Variants in CTNNA3 observed in about 807,000 individuals in gnomAD.
CTNNA3 encodes the protein catenin alpha-3.
Under a neutral mutation model 95.7 loss-of-function variants are expected in CTNNA3, and 76 were observed. The ratio of observed to expected loss-of-function variants is 0.79; its 90% CI spans 0.66 to 0.96. CTNNA3 has a LOEUF of 0.96. Among genes scored for constraint, CTNNA3 ranks in the 40% least tolerant of loss-of-function variants. CTNNA3 has a pLI of 0.00. For synonymous variants in CTNNA3, 431 were observed against 374.4 expected (o/e 1.15, Z -1.74); for missense variants, 1,191 against 1,089.8 (o/e 1.09, Z -1.31).
At chr10:67,514,056 A>AGTAGT (rs1417538753) in intron 5 of CTNNA3, among the ~76,000 whole-genome samples, 1 of 152,204 alleles carries the variant, frequency 6.6e-6, no homozygotes, top group East Asian at 1.9e-4. Flanking sequence ...CATGCCTCTA[A>AGTAGT]TCCTTGCACT....
At chr10:66,622,671 A>T (rs921653303) in intron 9 of CTNNA3, among the ~76,000 whole-genome samples, 1 of 152,026 alleles carries the variant, frequency 6.6e-6, no homozygotes, top group African/African-American at 2.4e-5. Flanking sequence ...TCTAACAGTA[A>T]TTTTTCTAAC....
chr10:67,049,091 A>G (rs540115925), intron 7 of CTNNA3, among the ~76,000 whole-genome samples: 75 of 151,262 alleles, frequency 5.0e-4, no homozygotes, highest in African/African-American at 1.7e-3. Flanking sequence ...AATGACATTT[A>G]TAACTTGTGG....
At chr10:67,517,274 G>T (rs1026630038) in intron 5 of CTNNA3, among the ~76,000 whole-genome samples, 5 of 151,938 alleles carry the variant, frequency 3.3e-5, no homozygotes, top group African/African-American at 1.2e-4. Context: ...CTCTTGTCTT[G>T]CACACCTGTT....
chr10:67,006,897 C>A (rs1852026279), intron 7 of CTNNA3, among the ~76,000 whole-genome samples: 1 of 152,026 alleles, frequency 6.6e-6, no homozygotes, highest in Non-Finnish European at 1.5e-5. Context: ...GGGTTCAAGG[C>A]ATCCTCCTAC....
intron 13 of CTNNA3, among the ~76,000 whole-genome samples, chr10:66,278,342 T>G (rs991344534): frequency 6.6e-6 from 1 of 151,930 alleles, no homozygotes; most frequent in African/African-American, 2.4e-5. Flanking sequence ...CTAATTTGAA[T>G]GTATTCTTGA....
intron 15 of CTNNA3, among the ~76,000 whole-genome samples, chr10:66,064,640 T>C (rs182834041): frequency 1.1e-4 from 16 of 152,288 alleles, no homozygotes; most frequent in African/African-American, 3.8e-4. Context: ...GGTAGGGCTA[T>C]AAGCTTTTCT....
At chr10:67,096,113 A>G (rs368221406) in intron 7 of CTNNA3, among the ~76,000 whole-genome samples, 1 of 151,892 alleles carries the variant, frequency 6.6e-6, no homozygotes, top group African/African-American at 2.4e-5. Flanking sequence ...AAGCTGGATT[A>G]CATTTCTCTA....
chr10:66,960,109 T>C (rs1472627648), intron 7 of CTNNA3, among the ~76,000 whole-genome samples: 1 of 152,106 alleles, frequency 6.6e-6, no homozygotes, highest in Non-Finnish European at 1.5e-5. Flanking sequence ...CCTAAAAATA[T>C]TTCTTTCTCT....
intron 9 of CTNNA3, among the ~76,000 whole-genome samples, chr10:66,643,832 T>C (rs1386291689): frequency 1.3e-5 from 2 of 152,202 alleles, no homozygotes; most frequent in Non-Finnish European, 2.9e-5. Context: ...TATTTCCAAA[T>C]ATTTATTTTA....
At chr10:66,315,519 T>C (rs2092088992) in intron 12 of CTNNA3, among the ~76,000 whole-genome samples, 1 of 151,932 alleles carries the variant, frequency 6.6e-6, no homozygotes, top group Non-Finnish European at 1.5e-5. Flanking sequence ...TGTGTGTGTG[T>C]GTGTGTGTGT....
intron 1 of CTNNA3, among the ~76,000 whole-genome samples, chr10:67,686,082 A>T (rs150948298): frequency 0.026 from 3,948 of 152,152 alleles, 176 homozygotes; most frequent in African/African-American, 0.091. Flanking sequence ...TTTCCTTGTG[A>T]TATTTAATGG....
At chr10:66,939,093 T>G (rs1216190619) in intron 7 of CTNNA3, among the ~76,000 whole-genome samples, 1 of 152,158 alleles carries the variant, frequency 6.6e-6, no homozygotes, top group African/African-American at 2.4e-5. Flanking sequence ...GGTCTTGGCC[T>G]CTGATTTTAC....
At chr10:67,045,430 TTTG>T (rs757199869) in intron 7 of CTNNA3, among the ~76,000 whole-genome samples, 12 of 152,112 alleles carry the variant, frequency 7.9e-5, no homozygotes, top group Admixed American at 6.5e-5. Flanking sequence ...GTTGTTGTTG[TTTG>T]TTGTTGTTGT....
intron 2 of CTNNA3, among the ~76,000 whole-genome samples, chr10:67,639,541 G>C (rs978960601): frequency 1.3e-5 from 2 of 152,134 alleles, no homozygotes; most frequent in African/African-American, 4.8e-5. Context: ...AAGCCTGGCA[G>C]AGACATAACA....
At chr10:67,263,287 T>C (rs549494816) in intron 5 of CTNNA3, among the ~76,000 whole-genome samples, 1 of 152,176 alleles carries the variant, frequency 6.6e-6, no homozygotes, top group Admixed American at 6.5e-5. Context: ...TCAGACCTAG[T>C]ACTATTGTGA....
chr10:67,379,796 C>T (rs1024348391), intron 5 of CTNNA3, among the ~76,000 whole-genome samples: 5 of 151,778 alleles, frequency 3.3e-5, no homozygotes, highest in Admixed American at 6.6e-5. Flanking sequence ...CCGAGGCGGG[C>T]GGATCACGAG....
intron 13 of CTNNA3, among the ~76,000 whole-genome samples, chr10:66,174,414 A>G (rs888643895): frequency 1.3e-5 from 2 of 152,112 alleles, no homozygotes; most frequent in African/African-American, 4.8e-5. Flanking sequence ...ATATATGATT[A>G]TTATCAAGAT....
intron 3 of CTNNA3, among the ~76,000 whole-genome samples, chr10:67,547,738 C>T (rs1431861407): frequency 1.3e-5 from 2 of 152,200 alleles, no homozygotes; most frequent in South Asian, 2.1e-4. Flanking sequence ...TGAAGATAAA[C>T]ATCCAGGATT....
intron 7 of CTNNA3, among the ~76,000 whole-genome samples, chr10:66,945,643 AT>A (rs1478530069): frequency 6.6e-6 from 1 of 152,140 alleles, no homozygotes; most frequent in East Asian, 1.9e-4. Context: ...TTGGCTAGCT[AT>A]TTGGCAAAAG....
Sources: allele counts gnomAD v4.1 joint callset (sites outside exome capture counted in the v4.1 genomes callset), GRCh38; gene constraint gnomAD v4.1.1; transcripts MANE v1.5; gene names NCBI Gene and HGNC (gene_info 2026-07-23, HGNC 2026-07-21).